NHSL1: variants seen among roughly 807,000 people sequenced by gnomAD.
The protein encoded by NHSL1 is NHS-like protein 1.
NHSL1 carries 48 observed loss-of-function variants against 95.0 expected under a neutral mutation model. That is an observed-to-expected ratio of 0.51 (90% CI 0.40 to 0.64). The LOEUF (loss-of-function observed/expected upper bound fraction) is 0.64. Among genes scored for constraint, NHSL1 ranks in the 30% least tolerant of loss-of-function variants. NHSL1 has a pLI of 0.00. For synonymous variants in NHSL1, 783 were observed against 833.9 expected, an observed-to-expected ratio of 0.94 and a Z score of 1.05; for missense variants, 1,971 against 2,077.7, an observed-to-expected ratio of 0.95 and a Z score of 1.00.
chr6:138,615,842 G>C (rs1338780255), intron 1 of NHSL1, among the ~76,000 whole-genome samples: 9 of 152,192 alleles, frequency 5.9e-5, no homozygotes, highest in Admixed American at 5.9e-4. Flanking sequence ...CAACTGAATG[G>C]AGGGGCAATG....
At chr6:138,516,603 G>A (rs982553616) in intron 1 of NHSL1, among the ~76,000 whole-genome samples, 6 of 152,074 alleles carry the variant, frequency 3.9e-5, no homozygotes, top group Non-Finnish European at 7.4e-5. Flanking sequence ...TGTTGTTGTT[G>A]TTGTTGTTGT....
rs1462745592 is a variant in NHSL1 at position 138,423,609 on chromosome 6, A to G, written c.*472T>C. 1 of 152,630 alleles carries G rather than the reference A, an allele frequency of 6.6e-6. No homozygotes were observed. The highest frequency in any genetic ancestry group is 1.5e-5 in the Non-Finnish European group (1 of 68,416). 9.5% of individuals were successfully genotyped at this position (152,630 alleles called of 1,614,324 possible). A position where few individuals can be genotyped will look rare whatever the true frequency, so the allele number is the denominator to read the frequency against. ...TCTACTGCCTCTTTCTTGAAGTAAC[A>G]TCTTCTCCTTTCTTACAAAACTCGC... is the stretch of plus-strand genomic sequence containing the variant. On this transcript the variant is annotated 3_prime_UTR_variant, in exon 8 of 8. Transcript: ENST00000343505.
upstream of NHSL1, among the ~76,000 whole-genome samples, chr6:138,572,989 A>T (rs1014776263): frequency 2.0e-5 from 3 of 152,188 alleles, no homozygotes; most frequent in Non-Finnish European, 4.4e-5. Flanking sequence ...CCAGCTTCCA[A>T]CAAAGGTGAA....
At chr6:138,564,047 G>T (rs1783513384) in intron 1 of NHSL1, among the ~76,000 whole-genome samples, 1 of 151,738 alleles carries the variant, frequency 6.6e-6, no homozygotes. Flanking sequence ...TTACTAATTG[G>T]TCAAAACAGC....
intron 3 of NHSL1, among the ~76,000 whole-genome samples, chr6:138,454,190 C>CGCGCGTGTGTGTGT (rs144366744): frequency 6.6e-6 from 1 of 151,152 alleles, no homozygotes; most frequent in Non-Finnish European, 1.5e-5. Context: ...TATATGTGTG[C>CGCGCGTGTGTGTGT]GTGTGTGTGT....
At chr6:138,480,680 T>A (rs1779366269) in intron 2 of NHSL1, among the ~76,000 whole-genome samples, 1 of 152,230 alleles carries the variant, frequency 6.6e-6, no homozygotes, top group South Asian at 2.1e-4. Context: ...GCAACCTTCC[T>A]ACTGTAATTC....
intron 2 of NHSL1, among the ~76,000 whole-genome samples, chr6:138,489,977 GGAGAGGGGGAGA>G (rs1779976295): frequency 2.2e-5 from 2 of 90,420 alleles, no homozygotes; most frequent in African/African-American, 9.3e-5. Flanking sequence ...GGGGAGAGGG[GGAGAGGGGGAGA>G]GAGAGAGAGA....
intron 1 of NHSL1, among the ~76,000 whole-genome samples, chr6:138,531,022 T>C (rs528760111): frequency 6.6e-6 from 1 of 152,290 alleles, no homozygotes; most frequent in Non-Finnish European, 1.5e-5. Flanking sequence ...TCTTTTTCCA[T>C]GTGAAAATAC....
chr6:138,535,715 A>C (rs2128319305), intron 1 of NHSL1, among the ~76,000 whole-genome samples: 1 of 152,354 alleles, frequency 6.6e-6, no homozygotes, highest in African/African-American at 2.4e-5. Flanking sequence ...TGATATGTTC[A>C]TGAGGTCAGT....
rs867220346 is a variant in NHSL1 at position 138,610,575 on chromosome 6, A to T, written c.96+81901T>A. On this transcript the variant is annotated intron_variant, in intron 1 of 3. Coordinates refer to the NHSL1 transcript ENST00000491526. ...TATATATATATTATATATATATATA[A>T]AAAGAAAAGAAAGCAAACAACAGGT... Among the ~76,000 whole-genome samples, 710 of 147,908 alleles carry T rather than the reference A, an allele frequency of 4.8e-3. 9 individuals are homozygous for T. The highest frequency in any genetic ancestry group is 0.016 in the African/African-American group (653 of 39,948).
upstream of NHSL1, among the ~76,000 whole-genome samples, chr6:138,503,360 C>T (rs988277949): frequency 7.2e-5 from 11 of 152,130 alleles, no homozygotes; most frequent in African/African-American, 2.4e-5. Context: ...CCCCTTGAAA[C>T]TTGAATGGTT....
At chr6:138,673,293 G>C (rs1785404735) in intron 1 of NHSL1, among the ~76,000 whole-genome samples, 1 of 151,560 alleles carries the variant, frequency 6.6e-6, no homozygotes, top group Non-Finnish European at 1.5e-5. Flanking sequence ...TGGTGGGCGG[G>C]GGTGAGGGGG....
At chr6:138,582,392 C>T in intron 1 of NHSL1, among the ~76,000 whole-genome samples, 1 of 139,530 alleles carries the variant, frequency 7.2e-6, no homozygotes, top group South Asian at 2.2e-4. Flanking sequence ...GAGATGGGAC[C>T]AAAAAAAAAA....
At chr6:138,485,289 C>T (rs1023160872) in intron 2 of NHSL1, among the ~76,000 whole-genome samples, 4 of 152,004 alleles carry the variant, frequency 2.6e-5, no homozygotes, top group Non-Finnish European at 4.4e-5. Context: ...CTTACTTTAT[C>T]GGGAGTTAAA....
intron 1 of NHSL1, among the ~76,000 whole-genome samples, chr6:138,685,407 C>T (rs1194621988): frequency 1.3e-5 from 2 of 152,096 alleles, no homozygotes; most frequent in African/African-American, 4.8e-5. Context: ...TGACATTGCA[C>T]TTTTTAAAGC....
intron 1 of NHSL1, among the ~76,000 whole-genome samples, chr6:138,595,137 A>G (rs1373598456): frequency 6.6e-6 from 1 of 152,256 alleles, no homozygotes; most frequent in African/African-American, 2.4e-5. Flanking sequence ...AAGTACGTCA[A>G]TCACCTACAG....
intron 1 of NHSL1, among the ~76,000 whole-genome samples, chr6:138,687,485 G>A (rs1367783268): frequency 6.6e-6 from 1 of 152,140 alleles, no homozygotes; most frequent in Non-Finnish European, 1.5e-5. Flanking sequence ...TGAGCCTACT[G>A]TGTCTGCCAA....
intron 3 of NHSL1, among the ~76,000 whole-genome samples, chr6:138,457,479 T>C (rs543286435): frequency 6.6e-6 from 1 of 152,352 alleles, no homozygotes; most frequent in East Asian, 1.9e-4. Flanking sequence ...CTAGGTTCTC[T>C]TTTCTAATTT....
At chr6:138,437,445 C>CAA (rs1202687511) in intron 5 of NHSL1, among the ~76,000 whole-genome samples, 13 of 61,808 alleles carry the variant, frequency 2.1e-4, no homozygotes, top group Admixed American at 1.0e-3. Flanking sequence ...CACACACACA[C>CAA]AAAAAAAAAA....
Sources: allele counts gnomAD v4.1 joint callset (sites outside exome capture counted in the v4.1 genomes callset), GRCh38; gene constraint gnomAD v4.1.1; transcripts MANE v1.5; gene names NCBI Gene and HGNC (gene_info 2026-07-23, HGNC 2026-07-21).